The following TMEM131 variants were observed in gnomAD, a reference collection of about 807,000 sequenced individuals.
TMEM131 encodes 2610524E03Rik.
In TMEM131, 66 loss-of-function variants were observed where a neutral mutation model predicts 211.6. The ratio of observed to expected loss-of-function variants is 0.31; its 90% confidence interval spans 0.26 to 0.38. The LOEUF (loss-of-function observed/expected upper bound fraction) is 0.38. Ranked by LOEUF, TMEM131 falls within the 10% of genes least tolerant of loss-of-function variation. The pLI is 1.00. For synonymous variants in TMEM131, 844 were observed against 841.3 expected, an observed-to-expected ratio of 1.00 and a Z score of -0.06; for missense variants, 2,036 against 2,299.3, an observed-to-expected ratio of 0.89 and a Z score of 2.34.
intron 4 of TMEM131, among the ~76,000 whole-genome samples, chr2:97,869,540 G>A (rs1674407562): frequency 6.6e-6 from 1 of 152,206 alleles, no homozygotes; most frequent in Non-Finnish European, 1.5e-5. Context: ...AAGAACAGAG[G>A]GAAGCTGTCA....
chr2:97,921,555 A>T (rs2104419935), intron 2 of TMEM131, among the ~76,000 whole-genome samples: 1 of 152,356 alleles, frequency 6.6e-6, no homozygotes. Flanking sequence ...ACATAAGCCA[A>T]AAGGGCAATC....
chr2:97,886,428 TTCTTATAAATGGG>T (rs1675161713), intron 4 of TMEM131, among the ~76,000 whole-genome samples: 1 of 152,200 alleles, frequency 6.6e-6, no homozygotes, highest in Non-Finnish European at 1.5e-5. Flanking sequence ...GAAAGACTTA[TTCTTATAAATGGG>T]TCTTGGAGTG....
At chr2:97,967,423 T>C (rs1323606119) in intron 1 of TMEM131, among the ~76,000 whole-genome samples, 1 of 152,078 alleles carries the variant, frequency 6.6e-6, no homozygotes, top group African/African-American at 2.4e-5. Flanking sequence ...CATAAAACAG[T>C]ACAGTGTGTA....
At chr2:97,980,737 C>CT (rs1167661998) in intron 1 of TMEM131, among the ~76,000 whole-genome samples, 1 of 144,370 alleles carries the variant, frequency 6.9e-6, no homozygotes, top group Non-Finnish European at 1.5e-5. Context: ...ACATTAGAGA[C>CT]TAACTATCAA....
chr2:97,946,130 T>A (rs1480539740), intron 1 of TMEM131, among the ~76,000 whole-genome samples: 1 of 152,126 alleles, frequency 6.6e-6, no homozygotes. Context: ...AATATAATAT[T>A]TATGATTGGA....
At chr2:97,894,716 G>A (rs757767162) in intron 3 of TMEM131, among the ~76,000 whole-genome samples, 7 of 152,074 alleles carry the variant, frequency 4.6e-5, no homozygotes, top group Non-Finnish European at 7.4e-5. Context: ...TTTTTGCACA[G>A]TGAAGTATCC....
At chr2:97,855,105 G>C (rs2105158730) in intron 5 of TMEM131, among the ~76,000 whole-genome samples, 1 of 152,260 alleles carries the variant, frequency 6.6e-6, no homozygotes, top group South Asian at 2.1e-4. Flanking sequence ...AAAAGTGCCT[G>C]GCACTTTAAG....
chr2:97,938,429 A>T (rs1677551843), intron 1 of TMEM131, among the ~76,000 whole-genome samples: 1 of 152,352 alleles, frequency 6.6e-6, no homozygotes, highest in Middle Eastern at 3.4e-3. Flanking sequence ...AAAGAGACAA[A>T]GAAGGCCATT....
At chr2:97,778,714 G>T (rs1003239624) in intron 31 of TMEM131, among the ~76,000 whole-genome samples, 1 of 152,152 alleles carries the variant, frequency 6.6e-6, no homozygotes, top group Non-Finnish European at 1.5e-5. Flanking sequence ...TGAAGCCCAT[G>T]ATGCCTATCA....
intron 1 of TMEM131, among the ~76,000 whole-genome samples, chr2:97,987,200 T>A (rs1680063667): frequency 6.6e-6 from 1 of 152,230 alleles, no homozygotes; most frequent in African/African-American, 2.4e-5. Flanking sequence ...TTTGCAATCA[T>A]TATAACTGAT....
chr2:97,825,325 G>A (rs560813864), intron 11 of TMEM131, among the ~76,000 whole-genome samples: 10 of 152,320 alleles, frequency 6.6e-5, no homozygotes, highest in East Asian at 1.9e-4. Flanking sequence ...CATCTAGGTC[G>A]AAGGCCCAGC....
intron 33 of TMEM131, 56 bp from the exon 34 acceptor site, chr2:97,766,658 G>T (rs909584736): frequency 6.3e-7 from 1 of 1,591,472 alleles, no homozygotes; most frequent in Non-Finnish European, 8.6e-7. Context: ...TTGGAGGACA[G>T]AAGTCATTAA....
At chr2:97,835,463 G>A (rs541763283) in intron 8 of TMEM131, among the ~76,000 whole-genome samples, 4 of 152,150 alleles carry the variant, frequency 2.6e-5, no homozygotes, top group Non-Finnish European at 5.9e-5. Context: ...ATGTAAGACA[G>A]CATACATTTT....
Position 97,757,053 on chromosome 2 carries a change from A to G in TMEM131, c.*46T>C, listed in dbSNP as rs879358582. 6.6e-7 allele frequency: 1 copy of G among 1,520,216 alleles called. No individual in the cohort carries two copies. Among genetic ancestry groups the G allele is most frequent in the Admixed American group, 2.1e-5 (1 of 46,954 alleles). 94.2% of individuals were successfully genotyped at this position (1,520,216 alleles called of 1,614,324 possible). A position where few individuals can be genotyped will look rare whatever the true frequency, so the allele number is the denominator to read the frequency against. ...AAGATGTCTCAGAAACTGGCACATCATGATCTAGACGAGGGCCCACTATGT... is the reference window on the plus strand; with the variant it reads ...AAGATGTCTCAGAAACTGGCACATCGTGATCTAGACGAGGGCCCACTATGT... On this transcript the variant is annotated 3_prime_UTR_variant, in exon 41 of 41. Coordinates refer to ENST00000186436, the MANE Select transcript of TMEM131 (RefSeq NM_015348.2).
intron 7 of TMEM131, among the ~76,000 whole-genome samples, chr2:97,839,013 G>A (rs779928833): frequency 1.3e-5 from 2 of 152,078 alleles, no homozygotes; most frequent in Non-Finnish European, 2.9e-5. Flanking sequence ...AAGCAAACAA[G>A]CATAACAATG....
At chr2:97,815,336 G>A in intron 12 of TMEM131, 29 bp from the exon 13 acceptor site, 1 of 1,386,976 alleles carries the variant, frequency 7.2e-7, no homozygotes, top group Non-Finnish European at 9.8e-7. Context: ...AATAATCTCT[G>A]TTACCTTTTA....
At chr2:97,912,998 C>A (rs1573547674) in intron 2 of TMEM131, 1 of 152,144 alleles carries the variant, frequency 6.6e-6, no homozygotes, top group Non-Finnish European at 1.5e-5. Flanking sequence ...TGGTTCTCAA[C>A]CGAGGGCAAT....
chr2:97,815,837 G>A (rs1261324476), intron 12 of TMEM131, among the ~76,000 whole-genome samples: 1 of 152,136 alleles, frequency 6.6e-6, no homozygotes, highest in African/African-American at 2.4e-5. Flanking sequence ...CACTTGAACT[G>A]AGAAAGAAAT....
rs555984518 is a variant in TMEM131, at chr2:97,834,528, A to C, written c.1012+93T>G. ...GCAACCAACTGAGAAATAATGTTTA[A>C]AGCTGAATTACATAGTAGAGCCATT... is the stretch of plus-strand genomic sequence containing the variant. On this transcript the variant is annotated intron_variant, in intron 10 of 40. Coordinates refer to ENST00000186436, the MANE Select transcript of TMEM131 (RefSeq NM_015348.2). 9.9e-4 allele frequency: 937 copies of C among 949,426 alleles called. 12 individuals are homozygous for C. The South Asian group carries it at 0.013, about 13-fold the overall frequency. The allele number at this position is 949,426 out of a possible 1,614,324, so 58.8% of individuals were successfully genotyped here.
Sources: allele counts gnomAD v4.1 joint callset (sites outside exome capture counted in the v4.1 genomes callset), GRCh38; gene constraint gnomAD v4.1.1; transcripts MANE v1.5; gene names NCBI Gene and HGNC (gene_info 2026-07-23, HGNC 2026-07-21).